The following CFAP92 variants were observed in gnomAD, a reference collection of about 807,000 sequenced individuals.
CFAP92 encodes the protein uncharacterized protein CFAP92.
Under a neutral mutation model 106.3 loss-of-function variants are expected in CFAP92, and 86 were observed. The ratio of observed to expected loss-of-function variants is 0.81; its 90% CI spans 0.68 to 0.97. The LOEUF (loss-of-function observed/expected upper bound fraction) is 0.97, where lower values mean the gene tolerates loss of function less well. CFAP92 is among the 50% of genes least tolerant of loss of function. The pLI is 0.00. For synonymous variants in CFAP92, 477 were observed against 506.4 expected, an observed-to-expected ratio of 0.94 and a Z score of 0.78; for missense variants, 1,204 against 1,283.8, an observed-to-expected ratio of 0.94 and a Z score of 0.95.
chr3:128,910,661 G>C, intron 15 of CFAP92: 1 of 1,238,092 alleles, frequency 8.1e-7, no homozygotes, highest in Non-Finnish European at 1.2e-6. Flanking sequence ...ACCCAGTTTG[G>C]CTGATAGGCT....
the CFAP92 span, among the ~76,000 whole-genome samples, chr3:129,024,895 TTGGGGTGGGAGAA>T: frequency 3.3e-5 from 5 of 152,082 alleles, no homozygotes; most frequent in Admixed American, 3.3e-4. Context: ...GACATTTTTG[TTGGGGTGGGAGAA>T]CGAAGAACCA....
Position 128,989,952 on chromosome 3 carries a change from A to C in CFAP92, c.263-1034T>G, listed in dbSNP as rs1576645594. Among the ~76,000 whole-genome samples the C allele has an allele frequency of 2.0e-5, 3 of 152,356 alleles. No individual in the cohort carries two copies. In the East Asian group the frequency reaches 5.8e-4, roughly 29 times the overall value. On this transcript the variant is annotated intron_variant, in intron 2 of 15. Coordinates refer to ENST00000645291, the MANE Select transcript of CFAP92 (RefSeq NM_001394090.1). ...AAGTTATTTAGCCCTTTTAAAGGGG[A>C]AGTTGACAATATCTATCAAAAACTA...
intron 12 of CFAP92, among the ~76,000 whole-genome samples, chr3:128,925,443 C>G (rs928139264): frequency 6.6e-6 from 1 of 152,082 alleles, no homozygotes; most frequent in Non-Finnish European, 1.5e-5. Context: ...TGTTCCATAG[C>G]CTGGGGGTTG....
rs537925116 is a variant in CFAP92 at position 128,913,561 on chromosome 3, T to C, written c.3280+1558A>G. On this transcript the variant is annotated intron_variant, in intron 15 of 15. Transcript: ENST00000645291. ...GTGGTCTGGAGCTCTAAAATGCCTA[T>C]TGTGGACACTCCCTTGAGCACAGAG... Among the ~76,000 whole-genome samples the C allele has an allele frequency of 3.9e-5, 6 of 152,226 alleles. No individual in the cohort carries two copies. The South Asian group carries it at 1.2e-3, about 32-fold the overall frequency.
intron 9 of CFAP92, among the ~76,000 whole-genome samples, chr3:128,958,963 C>T (rs1243628389): frequency 2.6e-5 from 4 of 152,168 alleles, no homozygotes; most frequent in Admixed American, 2.6e-4. Flanking sequence ...GTAATCCCAA[C>T]ACTTTGGGAG....
chr3:128,970,521 G>T (rs768308155), intron 8 of CFAP92: 2 of 151,854 alleles, frequency 1.3e-5, no homozygotes, highest in Admixed American at 6.6e-5. Flanking sequence ...AAAAAAAAAG[G>T]GGGGGAGTTC....
In CFAP92 at chr3:128,914,750, A is replaced by G. The variant is rs1469116568; in HGVS notation, c.3280+369T>C. 4 of 192,432 alleles carry G rather than the reference A, an allele frequency of 2.1e-5. No homozygotes were observed. The Admixed American group carries it at 2.1e-4, about 10-fold the overall frequency. The allele number at this position is 192,432 out of a possible 1,614,324, so 11.9% of individuals were successfully genotyped here. A position where few individuals can be genotyped will look rare whatever the true frequency, so the allele number is the denominator to read the frequency against. On this transcript the variant is annotated intron_variant, in intron 15 of 15. Transcript: ENST00000645291. ...CCGCTGGAAGGTCCCAGTGAAGCCC[A>G]GAGCCTCTGCCCCCAGCTCTTGGCT... is the stretch of plus-strand genomic sequence containing the variant.
chr3:128,942,442 C>T (rs147409590), intron 10 of CFAP92, among the ~76,000 whole-genome samples: 3,712 of 152,298 alleles, frequency 0.024, 63 homozygotes, highest in Non-Finnish European at 0.036. Flanking sequence ...TGACCGCCTA[C>T]ATGGCTGAAC....
In CFAP92 at chr3:129,001,632, G is replaced by A; in HGVS notation, n.117+942C>T. 2.9e-6 allele frequency: 4 copies of A among 1,364,014 alleles called. No homozygotes were observed. The highest frequency in any genetic ancestry group is 3.8e-6 in the Non-Finnish European group (4 of 1,063,500). 84.5% of individuals were successfully genotyped at this position (1,364,014 alleles called of 1,614,324 possible). On this transcript the variant is annotated intron_variant and non_coding_transcript_variant, in intron 1 of 4. Coordinates refer to the CFAP92 transcript ENST00000510149. Reference sequence around the variant, plus strand: ...GAGCGAGGCGCGCGGCGCAGCGATGGAGCCGGTCAGCACGGGCGCGGAGGC... The same window carrying A: ...GAGCGAGGCGCGCGGCGCAGCGATGAAGCCGGTCAGCACGGGCGCGGAGGC...
intron 8 of CFAP92, chr3:128,971,078 T>C: frequency 1.5e-6 from 1 of 654,098 alleles, no homozygotes. Context: ...TCACATTTCC[T>C]AGCTGTGTGA....
chr3:129,015,905 C>T, the CFAP92 span, among the ~76,000 whole-genome samples: 1 of 152,318 alleles, frequency 6.6e-6, no homozygotes, highest in Admixed American at 6.5e-5. Flanking sequence ...GTGCGAACCT[C>T]CAGGACCTCC....
chr3:128,910,854 T>G, intron 15 of CFAP92: 1 of 1,600,194 alleles, frequency 6.2e-7, no homozygotes, highest in Non-Finnish European at 8.6e-7. Flanking sequence ...AGGGCCCACT[T>G]CTAGGCCCCT....
intron 1 of CFAP92, among the ~76,000 whole-genome samples, chr3:129,000,476 C>T (rs1183767873): frequency 6.6e-6 from 1 of 152,194 alleles, no homozygotes; most frequent in Non-Finnish European, 1.5e-5. Flanking sequence ...CTGTCTCTGT[C>T]ATAGCTAGGA....
intron 12 of CFAP92, among the ~76,000 whole-genome samples, chr3:128,927,129 CCATT>C: frequency 6.6e-6 from 1 of 152,112 alleles, no homozygotes; most frequent in South Asian, 2.1e-4. Context: ...GAGACTCTCT[CCATT>C]CACACACAAC....
In CFAP92 at chr3:128,945,073, G is replaced by A. The variant is rs559803610; in HGVS notation, c.2256C>T (p.Ser752=). ...GLRQLWENHQ[S]WIPRSEHRKY... ...AAAATGTAAAACAAACCACCTACCA[G>A]CTTTGGTGGTTCTCCCACAGCTGCC... The change falls in exon 10 of 16, where the codon AGC becomes AGT. Residue 752 remains serine (S), a splice_region_variant and synonymous_variant. Transcript: ENST00000645291. 4.0e-6 allele frequency: 6 copies of A among 1,517,634 alleles called. No individual in the cohort carries two copies. Among genetic ancestry groups the A allele is most frequent in the Non-Finnish European group, 5.3e-6 (6 of 1,136,150 alleles). The allele number at this position is 1,517,634 out of a possible 1,614,324, so 94.0% of individuals were successfully genotyped here. A position where few individuals can be genotyped will look rare whatever the true frequency, so the allele number is the denominator to read the frequency against.
At chr3:128,931,575 G>A (rs1938399459) in intron 12 of CFAP92, among the ~76,000 whole-genome samples, 1 of 149,950 alleles carries the variant, frequency 6.7e-6, no homozygotes, top group Admixed American at 6.7e-5. Flanking sequence ...GAATGAAATA[G>A]CCAACTAGAG....
chr3:128,969,183 T>C (rs1221391026), intron 8 of CFAP92: 3 of 151,386 alleles, frequency 2.0e-5, no homozygotes, highest in Admixed American at 6.6e-5. Context: ...CCCCAAAACA[T>C]TGCTCTTAAC....
intron 9 of CFAP92, among the ~76,000 whole-genome samples, chr3:128,964,601 C>T (rs1047477899): frequency 1.3e-5 from 2 of 152,202 alleles, no homozygotes; most frequent in African/African-American, 4.8e-5. Flanking sequence ...TCTCCTTAGG[C>T]ACTCTCTAAT....
chr3:128,982,189 T>G (rs1943577744), intron 4 of CFAP92, among the ~76,000 whole-genome samples: 1 of 152,240 alleles, frequency 6.6e-6, no homozygotes, highest in African/African-American at 2.4e-5. Flanking sequence ...TGTGGCTTAG[T>G]GTAGTTGCCT....
Sources: gnomAD v4.1 joint callset for allele counts (sites outside exome capture counted in the v4.1 genomes callset) on GRCh38, gnomAD v4.1.1 for gene constraint, MANE v1.5 for transcripts, NCBI Gene and HGNC (gene_info 2026-07-23, HGNC 2026-07-21) for gene names.